The following GUCY1A1 variants were observed in gnomAD, a reference collection of about 807,000 sequenced individuals.
GUCY1A1 encodes guanylate cyclase 1 soluble subunit alpha 1.
In GUCY1A1, 48 loss-of-function variants were observed where a neutral mutation model predicts 64.5. The ratio of observed to expected loss-of-function variants is 0.74; its 90% CI spans 0.59 to 0.95. GUCY1A1 has a LOEUF of 0.95. Among genes scored for constraint, GUCY1A1 ranks in the 40% least tolerant of loss-of-function variants. The pLI, the probability that GUCY1A1 is intolerant of heterozygous loss-of-function variation, is 0.00. For synonymous variants in GUCY1A1, 308 were observed against 303.4 expected, an observed-to-expected ratio of 1.02 and a Z score of -0.16; for missense variants, 804 against 825.3, an observed-to-expected ratio of 0.97 and a Z score of 0.32.
chr4:155,714,385 A>G (rs978159635), intron 7 of GUCY1A1, among the ~76,000 whole-genome samples: 5 of 152,258 alleles, frequency 3.3e-5, no homozygotes, highest in African/African-American at 1.2e-4. Flanking sequence ...AGGATGAGCC[A>G]GGCATCATTG....
intron 4 of GUCY1A1, among the ~76,000 whole-genome samples, chr4:155,704,386 AAAC>A (rs1455290901): frequency 1.3e-5 from 2 of 152,202 alleles, no homozygotes; most frequent in Non-Finnish European, 2.9e-5. Context: ...CATGGATCCC[AAAC>A]AATCAAGACT....
chr4:155,730,244 C>G lies in GUCY1A1; in HGVS notation c.*13C>G. On this transcript the variant is annotated 3_prime_UTR_variant, in exon 10 of 10. Transcript: ENST00000506455. ...AGGAATAGATTAGCAACCTATATAC[C>G]TATTTATAAGTCTTTGGGGTTTGAC... is the stretch of plus-strand genomic sequence containing the variant. 1 of 1,528,042 alleles carries G rather than the reference C, an allele frequency of 6.5e-7. No individual in the cohort carries two copies. The highest frequency in any genetic ancestry group is 9.1e-7 in the Non-Finnish European group (1 of 1,102,730). 94.7% of individuals were successfully genotyped at this position (1,528,042 alleles called of 1,614,324 possible).
chr4:155,707,604 T>TAAAA, intron 4 of GUCY1A1, among the ~76,000 whole-genome samples: 1 of 142,630 alleles, frequency 7.0e-6, no homozygotes, highest in Non-Finnish European at 1.5e-5. Flanking sequence ...GATATAAAGG[T>TAAAA]AAAAAAAAAA....
At chr4:155,671,068 T>C (rs1475390930) in intron 2 of GUCY1A1, among the ~76,000 whole-genome samples, 1 of 152,202 alleles carries the variant, frequency 6.6e-6, no homozygotes, top group Non-Finnish European at 1.5e-5. Flanking sequence ...GTTGGATCCA[T>C]AGTGCTTGGT....
chr4:155,680,297 T>G lies in GUCY1A1; in HGVS notation c.-113+12878T>G, dbSNP rs1025773284. ...AAGTATTTATTAACAGTATCATAAA[T>G]GAGTTTTTAAAATAATTATTTTCCA... On this transcript the variant is annotated intron_variant, in intron 2 of 9. Transcript: ENST00000506455. 2.0e-5 allele frequency among the ~76,000 whole-genome samples: 3 copies of G among 152,328 alleles called. No individual in the cohort carries two copies. In the South Asian group the frequency reaches 6.2e-4, roughly 32 times the overall value.
chr4:155,713,704 AG>A, intron 7 of GUCY1A1, 121 bp downstream of exon 7: 1 of 999,054 alleles, frequency 1.0e-6, no homozygotes, highest in Non-Finnish European at 1.5e-6. Context: ...TTGCAAGCCC[AG>A]TCCTGGGAGC....
chr4:155,724,138 T>C (rs999385073), intron 9 of GUCY1A1, among the ~76,000 whole-genome samples: 10 of 152,062 alleles, frequency 6.6e-5, no homozygotes, highest in Admixed American at 5.2e-4. Context: ...TTGTTCCCAT[T>C]ACATTGGCCC....
chr4:155,687,665 C>T (rs899238917), intron 2 of GUCY1A1, among the ~76,000 whole-genome samples: 2 of 152,026 alleles, frequency 1.3e-5, no homozygotes, highest in African/African-American at 4.8e-5. Flanking sequence ...CTATTATTAT[C>T]CTTATTTTTC....
In GUCY1A1 at chr4:155,702,983, A is replaced by ATATATCTCT. The variant is rs1731291605; in HGVS notation, c.256-948_256-940dup. On this transcript the variant is annotated intron_variant, in intron 3 of 9. Transcript: ENST00000506455. ...CTATATATATAATATATAGTTTTAT[A>ATATATCTCT]TATATCTCTATATATACACACATAT... 4.0e-5 allele frequency among the ~76,000 whole-genome samples: 6 copies of ATATATCTCT among 150,672 alleles called. No homozygotes were observed. The South Asian group carries it at 1.2e-3, about 31-fold the overall frequency.
chr4:155,716,780 C>T (rs577801008), intron 7 of GUCY1A1, among the ~76,000 whole-genome samples: 35 of 152,016 alleles, frequency 2.3e-4, no homozygotes, highest in Middle Eastern at 3.4e-3. Context: ...GGATATAAAA[C>T]GAGTAAATGA....
chr4:155,673,421 TA>T (rs1335238931), intron 2 of GUCY1A1, among the ~76,000 whole-genome samples: 1 of 151,610 alleles, frequency 6.6e-6, no homozygotes, highest in African/African-American at 2.4e-5. Flanking sequence ...TAATAAGTTT[TA>T]AAGAAGTTAG....
intron 3 of GUCY1A1, among the ~76,000 whole-genome samples, chr4:155,700,236 G>T (rs1730907737): frequency 6.6e-6 from 1 of 151,984 alleles, no homozygotes; most frequent in Non-Finnish European, 1.5e-5. Flanking sequence ...TAATTGAATT[G>T]GATATGCTTA....
At chr4:155,695,958 A>G (rs1438789927) in intron 2 of GUCY1A1, among the ~76,000 whole-genome samples, 1 of 152,192 alleles carries the variant, frequency 6.6e-6, no homozygotes, top group Non-Finnish European at 1.5e-5. Context: ...GGGAGAATTT[A>G]CAACCACAGC....
intron 2 of GUCY1A1, 73 bp from the exon 3 acceptor site, chr4:155,696,683 C>T (rs1013894282): frequency 7.8e-6 from 4 of 511,018 alleles, no homozygotes; most frequent in Non-Finnish European, 1.4e-5. Context: ...TGCTTTTGCT[C>T]ACCTGTCTTT....
chr4:155,698,678 C>A (rs184559898), intron 3 of GUCY1A1, among the ~76,000 whole-genome samples: 2 of 152,228 alleles, frequency 1.3e-5, no homozygotes, highest in Non-Finnish European at 2.9e-5. Flanking sequence ...TCTGTCTCAA[C>A]AACAACAACA....
chr4:155,706,451 T>A (rs1402426560), intron 4 of GUCY1A1, among the ~76,000 whole-genome samples: 1 of 152,164 alleles, frequency 6.6e-6, no homozygotes, highest in Non-Finnish European at 1.5e-5. Flanking sequence ...TTCTACGAAT[T>A]GACAAACAAA....
At chr4:155,697,215 C>A in intron 3 of GUCY1A1, 93 bp downstream of exon 3, 1 of 857,732 alleles carries the variant, frequency 1.2e-6, no homozygotes, top group Non-Finnish European at 1.9e-6. Context: ...TCCTTTCTCA[C>A]TTTCAAGGCT....
intron 2 of GUCY1A1, among the ~76,000 whole-genome samples, chr4:155,674,739 G>A (rs765344942): frequency 2.6e-5 from 4 of 151,392 alleles, no homozygotes; most frequent in Non-Finnish European, 5.9e-5. Flanking sequence ...GCCTTCTTCT[G>A]GAATACCTTC....
At chr4:155,682,404 C>T (rs1560917615) in intron 2 of GUCY1A1, among the ~76,000 whole-genome samples, 1 of 152,070 alleles carries the variant, frequency 6.6e-6, no homozygotes, top group Non-Finnish European at 1.5e-5. Flanking sequence ...CGACTGGGCA[C>T]GGTGGCTCAT....
Sources: allele counts gnomAD v4.1 joint callset (sites outside exome capture counted in the v4.1 genomes callset), GRCh38; gene constraint gnomAD v4.1.1; transcripts MANE v1.5; gene names NCBI Gene and HGNC (gene_info 2026-07-23, HGNC 2026-07-21).